The following LHFPL3 variants were observed in gnomAD, a reference collection of about 807,000 sequenced individuals.
The protein encoded by LHFPL3 is LHFPL tetraspan subfamily member 3, also known as LHFPL tetraspan subfamily member 3 protein.
Under a neutral mutation model 19.3 loss-of-function variants are expected in LHFPL3, and 5 were observed. The ratio of observed to expected loss-of-function variants is 0.26; its 90% CI spans 0.14 to 0.54. LHFPL3 has a LOEUF of 0.54. LHFPL3 is among the 20% of genes least tolerant of loss of function. LHFPL3 has a pLI of 0.94. For synonymous variants in LHFPL3, 133 were observed against 126.2 expected (o/e 1.05, Z -0.36); for missense variants, 249 against 307.4 (o/e 0.81, Z 1.42).
chr7:104,734,822 T>C (rs373934519), intron 1 of LHFPL3, among the ~76,000 whole-genome samples: 1 of 152,172 alleles, frequency 6.6e-6, no homozygotes, highest in African/African-American at 2.4e-5. Flanking sequence ...AGTTTTTCTG[T>C]TCTGTTTTTT....
At chr7:104,612,172 T>C (rs1477829870) in intron 1 of LHFPL3, among the ~76,000 whole-genome samples, 3 of 152,228 alleles carry the variant, frequency 2.0e-5, no homozygotes, top group Admixed American at 6.5e-5. Context: ...ATTAAGAACA[T>C]AGACATCGTC....
chr7:104,523,060 C>T (rs1794106239), intron 1 of LHFPL3, among the ~76,000 whole-genome samples: 1 of 150,350 alleles, frequency 6.7e-6, no homozygotes, highest in African/African-American at 2.5e-5. Flanking sequence ...TATACATATA[C>T]ACATATATAT....
chr7:104,486,194 A>G lies in LHFPL3; in HGVS notation c.445+156970A>G, dbSNP rs1793233730. On this transcript the variant is annotated intron_variant, in intron 1 of 2. Transcript: ENST00000424859. ...TTCCTGTAAAACATTCATTTCATCA[A>G]AGTTTTTAAATATATTTACATAGAC... is the stretch of plus-strand genomic sequence containing the variant. Among the ~76,000 whole-genome samples, 8 of 152,186 alleles carry G rather than the reference A, an allele frequency of 5.3e-5. No homozygotes were observed. In the South Asian group the frequency reaches 1.7e-3, roughly 32 times the overall value.
intron 1 of LHFPL3, among the ~76,000 whole-genome samples, chr7:104,613,915 A>G (rs1791258000): frequency 6.6e-6 from 1 of 152,142 alleles, no homozygotes; most frequent in Non-Finnish European, 1.5e-5. Context: ...GGTCAGTGTG[A>G]TTAGGTCATT....
At chr7:104,511,263 A>G (rs1419174412) in intron 1 of LHFPL3, among the ~76,000 whole-genome samples, 1 of 152,198 alleles carries the variant, frequency 6.6e-6, no homozygotes, top group Non-Finnish European at 1.5e-5. Flanking sequence ...ACAATGACGT[A>G]TCACTAGACA....
chr7:104,569,347 A>G (rs1790183050), intron 1 of LHFPL3, among the ~76,000 whole-genome samples: 1 of 152,212 alleles, frequency 6.6e-6, no homozygotes, highest in African/African-American at 2.4e-5. Context: ...CTGATACTCA[A>G]TAAATATATT....
rs1375107060 is a variant in LHFPL3 at position 104,399,468 on chromosome 7, G to T, written c.445+70244G>T. 6.7e-6 allele frequency among the ~76,000 whole-genome samples: 1 copy of T among 150,038 alleles called. No individual in the cohort carries two copies. Among genetic ancestry groups the T allele is most frequent in the Non-Finnish European group, 1.5e-5 (1 of 67,566 alleles). ...TTTTTTAGGTTTTTTTTGTTTGTTT[G>T]TTTGAGATGGAGTCTTGCTCTGTTG... On this transcript the variant is annotated intron_variant, in intron 1 of 2. Coordinates refer to ENST00000424859, the MANE Select transcript of LHFPL3 (RefSeq NM_199000.3). This position sits in a 1 kb window ranked among gnomAD's most constrained non-coding sequence, Gnocchi z 4.4.
intron 1 of LHFPL3, among the ~76,000 whole-genome samples, chr7:104,547,868 G>A (rs1202640402): frequency 6.6e-6 from 1 of 152,144 alleles, no homozygotes; most frequent in African/African-American, 2.4e-5. Flanking sequence ...CTAGTGAAAG[G>A]TAATATGATG....
At chr7:104,772,353 C>T (rs1327941672) in intron 2 of LHFPL3, among the ~76,000 whole-genome samples, 1 of 152,238 alleles carries the variant, frequency 6.6e-6, no homozygotes, top group East Asian at 1.9e-4. Flanking sequence ...TTATTAGAAC[C>T]CAATTCTTTT....
intron 1 of LHFPL3, among the ~76,000 whole-genome samples, chr7:104,520,699 T>G: frequency 7.2e-6 from 1 of 138,854 alleles, no homozygotes. Context: ...TCAAGGAATT[T>G]ATCTATTTCT....
intron 2 of LHFPL3, among the ~76,000 whole-genome samples, chr7:104,766,542 C>T (rs1794461841): frequency 6.6e-6 from 1 of 152,290 alleles, no homozygotes; most frequent in East Asian, 1.9e-4. Flanking sequence ...CATTTTACTG[C>T]CAAGCCCATG....
At chr7:104,686,292 C>T (rs569167253) in intron 1 of LHFPL3, among the ~76,000 whole-genome samples, 1 of 152,084 alleles carries the variant, frequency 6.6e-6, no homozygotes, top group Non-Finnish European at 1.5e-5. Flanking sequence ...CTCCAAGGCA[C>T]CTACACCACC....
chr7:104,510,647 CAT>C (rs1477679452), intron 1 of LHFPL3, among the ~76,000 whole-genome samples: 1 of 151,514 alleles, frequency 6.6e-6, no homozygotes, highest in African/African-American at 2.4e-5. Context: ...CTAGACTTGA[CAT>C]AAAAAACACA....
chr7:104,876,924 C>T (rs1192044843), intron 2 of LHFPL3, among the ~76,000 whole-genome samples: 2 of 152,190 alleles, frequency 1.3e-5, no homozygotes, highest in East Asian at 1.9e-4. Context: ...GGCACATATA[C>T]ACCATGGAAT....
At chr7:104,827,914 A>G (rs1790857238) in intron 2 of LHFPL3, among the ~76,000 whole-genome samples, 1 of 151,904 alleles carries the variant, frequency 6.6e-6, no homozygotes, top group South Asian at 2.1e-4. Flanking sequence ...CTTCCAGACC[A>G]TAGCCCTTTG....
chr7:104,475,462 G>T (rs1792991661), intron 1 of LHFPL3, among the ~76,000 whole-genome samples: 1 of 152,104 alleles, frequency 6.6e-6, no homozygotes, highest in African/African-American at 2.4e-5. Context: ...AGGGGAAAAT[G>T]GGGAGTTGTT....
intron 1 of LHFPL3, among the ~76,000 whole-genome samples, chr7:104,482,685 C>CA (rs1793159770): frequency 6.6e-6 from 1 of 152,222 alleles, no homozygotes; most frequent in Non-Finnish European, 1.5e-5. Flanking sequence ...CCTCCTTGAA[C>CA]ATTAAAGCAG....
intron 1 of LHFPL3, among the ~76,000 whole-genome samples, chr7:104,438,238 G>A (rs965925393): frequency 3.3e-5 from 5 of 152,170 alleles, no homozygotes; most frequent in African/African-American, 1.2e-4. Context: ...TGCACTTTTA[G>A]CTTCTTTTCT....
At chr7:104,465,544 G>T (rs1452447474) in intron 1 of LHFPL3, among the ~76,000 whole-genome samples, 2 of 152,204 alleles carry the variant, frequency 1.3e-5, no homozygotes, top group African/African-American at 4.8e-5. Flanking sequence ...GGCTGGGGAG[G>T]CCTCAGGAAA....
Sources: gnomAD v4.1 joint callset for allele counts (sites outside exome capture counted in the v4.1 genomes callset) on GRCh38, gnomAD v4.1.1 for gene constraint, Gnocchi (gnomAD v3.1) non-coding constraint, MANE v1.5 for transcripts, NCBI Gene and HGNC (gene_info 2026-07-23, HGNC 2026-07-21) for gene names.